The following NBAS variants were observed in gnomAD, a reference collection of about 807,000 sequenced individuals.
NBAS encodes the protein NAG/BC035112 fusion.
In NBAS, 219 loss-of-function variants were observed where a neutral mutation model predicts 302.5. That is an observed-to-expected ratio of 0.72 (90% CI 0.65 to 0.81). The LOEUF (loss-of-function observed/expected upper bound fraction) is 0.81. Ranked by LOEUF, NBAS falls within the 30% of genes least tolerant of loss-of-function variation. NBAS has a pLI of 0.00. For synonymous variants in NBAS, 1,118 were observed against 1,021.6 expected (o/e 1.09, Z -1.80); for missense variants, 2,932 against 2,841.6 (o/e 1.03, Z -0.72).
At chr2:15,025,719 G>T in the NBAS span, among the ~76,000 whole-genome samples, 22 of 152,162 alleles carry the variant, frequency 1.4e-4, no homozygotes, top group African/African-American at 5.1e-4. Context: ...TACTCATTTT[G>T]TGACAATTCT....
chr2:15,558,957 T>C (rs1664776804), intron 1 of NBAS, among the ~76,000 whole-genome samples: 2 of 146,646 alleles, frequency 1.4e-5, no homozygotes, highest in Non-Finnish European at 3.0e-5. Context: ...TAGTCCCAGC[T>C]ACTTGGGAAG....
downstream of NBAS, among the ~76,000 whole-genome samples, chr2:15,162,684 C>A (rs560746354): frequency 2.0e-5 from 3 of 152,266 alleles, no homozygotes; most frequent in African/African-American, 7.2e-5. Flanking sequence ...GCTGCTGGTG[C>A]GGAGAAAACC....
At chr2:15,278,503 T>G (rs1669688578) in intron 42 of NBAS, among the ~76,000 whole-genome samples, 1 of 152,158 alleles carries the variant, frequency 6.6e-6, no homozygotes, top group African/African-American at 2.4e-5. Flanking sequence ...TACATCATCT[T>G]AATCTCTAGT....
At chr2:14,796,801 C>T in the NBAS span, among the ~76,000 whole-genome samples, 1 of 151,584 alleles carries the variant, frequency 6.6e-6, no homozygotes, top group African/African-American at 2.4e-5. Flanking sequence ...TCAAATGTTG[C>T]CTTTTCCATG....
intron 50 of NBAS, among the ~76,000 whole-genome samples, chr2:15,182,207 G>C (rs56844830): frequency 6.6e-6 from 1 of 152,206 alleles, no homozygotes; most frequent in African/African-American, 2.4e-5. Context: ...GGCACTAGCC[G>C]TGCCTCTTGG....
rs367552809 is a variant in NBAS, at chr2:15,423,730, A to C, written c.2577+585T>G. 2.8e-4 allele frequency among the ~76,000 whole-genome samples: 43 copies of C among 152,334 alleles called. No individual in the cohort carries two copies. In the East Asian group the frequency reaches 5.6e-3, roughly 20 times the overall value. On this transcript the variant is annotated intron_variant, in intron 23 of 51. Transcript: ENST00000281513. ...GGGAAAACCAAGGTACAGAAAAGAC[A>C]GGCAATAGGTCCGAGTCACAAAGTC...
intron 43 of NBAS, among the ~76,000 whole-genome samples, 188 bp from the exon 44 acceptor site, chr2:15,276,006 T>G (rs148600664): frequency 1.0e-3 from 155 of 152,276 alleles, no homozygotes; most frequent in African/African-American, 3.5e-3. Flanking sequence ...AGCCTGAAAC[T>G]TATTCGGCTT....
the NBAS span, among the ~76,000 whole-genome samples, chr2:15,046,679 A>T: frequency 1.3e-5 from 2 of 152,212 alleles, no homozygotes; most frequent in Non-Finnish European, 2.9e-5. Context: ...GTTGTACAGA[A>T]GAAGAAAGTT....
At chr2:15,519,158 A>G (rs1337652927) in intron 9 of NBAS, among the ~76,000 whole-genome samples, 1 of 152,244 alleles carries the variant, frequency 6.6e-6, no homozygotes. Flanking sequence ...CCTTTCACCC[A>G]TTAACATTTA....
chr2:14,958,231 G>A, the NBAS span, among the ~76,000 whole-genome samples: 1 of 152,218 alleles, frequency 6.6e-6, no homozygotes, highest in African/African-American at 2.4e-5. Context: ...GAGAAGCCCA[G>A]GTGAGAGCAG....
intron 16 of NBAS, 23 bp from the exon 17 acceptor site, chr2:15,468,556 A>C (rs1679824891): frequency 4.3e-6 from 7 of 1,612,050 alleles, no homozygotes; most frequent in Admixed American, 1.7e-5. Flanking sequence ...GAAGAAACAG[A>C]GGAATTACAG....
chr2:15,268,732 A>G (rs769766377), intron 44 of NBAS, among the ~76,000 whole-genome samples: 3 of 152,174 alleles, frequency 2.0e-5, no homozygotes, highest in Non-Finnish European at 2.9e-5. Context: ...AAATAGCAGA[A>G]AACTGACATG....
the NBAS span, among the ~76,000 whole-genome samples, chr2:14,941,966 C>A: frequency 6.6e-6 from 1 of 152,164 alleles, no homozygotes; most frequent in African/African-American, 2.4e-5. Flanking sequence ...TGCTTTTTCT[C>A]AGACTAGTTG....
intron 12 of NBAS, among the ~76,000 whole-genome samples, chr2:15,482,195 G>T (rs1367010804): frequency 2.6e-5 from 4 of 152,102 alleles, no homozygotes; most frequent in Non-Finnish European, 5.9e-5. Context: ...CAGTGGCGTG[G>T]TCACGGCTCA....
chr2:14,879,543 A>C, the NBAS span, among the ~76,000 whole-genome samples: 1 of 152,234 alleles, frequency 6.6e-6, no homozygotes, highest in Non-Finnish European at 1.5e-5. Flanking sequence ...ACATTACTAA[A>C]ATATAAACAG....
intron 44 of NBAS, among the ~76,000 whole-genome samples, chr2:15,266,734 TTC>T (rs1330326978): frequency 6.6e-6 from 1 of 152,148 alleles, no homozygotes; most frequent in Non-Finnish European, 1.5e-5. Context: ...TAGGGCTTCA[TTC>T]TCTCTCCTCC....
At chr2:15,267,361 C>A (rs764007489) in intron 44 of NBAS, among the ~76,000 whole-genome samples, 2 of 151,794 alleles carry the variant, frequency 1.3e-5, no homozygotes, top group African/African-American at 4.8e-5. Context: ...TAGACCAAAG[C>A]CAGAGATCAA....
rs1382729122 is a variant in NBAS at position 15,467,535 on chromosome 2, A to G, written c.2019-128T>C. 3.9e-6 allele frequency: 5 copies of G among 1,269,382 alleles called. No homozygotes were observed. The African/African-American group carries it at 5.9e-5, about 15-fold the overall frequency. The allele number at this position is 1,269,382 out of a possible 1,614,324, so 78.6% of individuals were successfully genotyped here. On this transcript the variant is annotated intron_variant, in intron 18 of 51. Coordinates refer to ENST00000281513, the MANE Select transcript of NBAS (RefSeq NM_015909.4). ...AAACAGTTCAGAAAAGCACAAGGGT[A>G]AGATAATAGTAAGTACATTTGATCT...
intron 48 of NBAS, among the ~76,000 whole-genome samples, chr2:15,210,889 A>T (rs145299324): frequency 6.6e-6 from 1 of 152,332 alleles, no homozygotes; most frequent in African/African-American, 2.4e-5. Flanking sequence ...CAAACTTCAC[A>T]TGTTTTCACT....
Sources: allele counts gnomAD v4.1 joint callset (sites outside exome capture counted in the v4.1 genomes callset), GRCh38; gene constraint gnomAD v4.1.1; transcripts MANE v1.5; gene names NCBI Gene and HGNC (gene_info 2026-07-23, HGNC 2026-07-21).